The following ADGRL2 variants were observed in gnomAD, a reference collection of about 807,000 sequenced individuals.
ADGRL2 encodes the protein adhesion G protein-coupled receptor L2.
ADGRL2 carries 44 observed loss-of-function variants against 157.4 expected under a neutral mutation model. The ratio of observed to expected loss-of-function variants is 0.28; its 90% CI spans 0.22 to 0.36. ADGRL2 has a LOEUF of 0.36. ADGRL2 is among the 10% of genes least tolerant of loss of function. The pLI is 1.00. For missense variants in ADGRL2, 1,510 were observed against 1,768.9 expected (o/e 0.85, Z 2.63); for synonymous variants, 585 against 624.7 (o/e 0.94, Z 0.95).
chr1:81,633,644 A>G (rs986434811), intron 3 of ADGRL2, among the ~76,000 whole-genome samples: 10 of 151,332 alleles, frequency 6.6e-5, no homozygotes, highest in Admixed American at 2.0e-4. Flanking sequence ...TTTCTCTACC[A>G]AATCTACTTC....
chr1:81,756,509 T>A (rs1303064773), intron 1 of ADGRL2, among the ~76,000 whole-genome samples: 1 of 152,122 alleles, frequency 6.6e-6, no homozygotes, highest in African/African-American at 2.4e-5. Context: ...GAGGTATAAG[T>A]GGGTAGATGT....
At chr1:81,916,383 T>C (rs10518660) in intron 3 of ADGRL2, among the ~76,000 whole-genome samples, 25,107 of 152,164 alleles carry the variant, frequency 0.17, 2,524 homozygotes, top group Middle Eastern at 0.31. Flanking sequence ...AGAATAGATG[T>C]TCAGTTACAG....
chr1:81,842,850 G>A (rs1034866807), intron 2 of ADGRL2, among the ~76,000 whole-genome samples: 1 of 152,090 alleles, frequency 6.6e-6, no homozygotes, highest in African/African-American at 2.4e-5. Flanking sequence ...GGCCAATGCT[G>A]TGATAACACT....
chr1:81,587,938 T>C (rs1204981430), intron 3 of ADGRL2, among the ~76,000 whole-genome samples: 1 of 152,080 alleles, frequency 6.6e-6, no homozygotes, highest in Admixed American at 6.6e-5. Flanking sequence ...GTGATATGGG[T>C]AGAAAAAACA....
At chr1:81,703,785 C>T (rs912736250) in intron 1 of ADGRL2, among the ~76,000 whole-genome samples, 18 of 152,188 alleles carry the variant, frequency 1.2e-4, no homozygotes, top group Non-Finnish European at 2.4e-4. Flanking sequence ...TGAGTCTGGA[C>T]TTAGGATTAC....
At chr1:81,487,394 C>T (rs2078531371) in intron 2 of ADGRL2, among the ~76,000 whole-genome samples, 1 of 152,156 alleles carries the variant, frequency 6.6e-6, no homozygotes, top group South Asian at 2.1e-4. Context: ...CCTCTAATCC[C>T]AGCACTTTGG....
intron 2 of ADGRL2, among the ~76,000 whole-genome samples, chr1:81,573,494 A>G (rs1166179466): frequency 6.6e-6 from 1 of 152,144 alleles, no homozygotes; most frequent in Non-Finnish European, 1.5e-5. Context: ...TAACCCTACT[A>G]ATAGCCATCC....
At chr1:81,696,316 A>G (rs660851), upstream of ADGRL2, among the ~76,000 whole-genome samples, 100,733 of 151,880 alleles carry the variant, frequency 0.66, 33,839 homozygotes, top group African/African-American at 0.69. Context: ...TCCCATCGCA[A>G]GAAGTGAACC....
chr1:81,831,291 A>G (rs1014350377), intron 1 of ADGRL2, among the ~76,000 whole-genome samples: 1 of 152,216 alleles, frequency 6.6e-6, no homozygotes, highest in South Asian at 2.1e-4. Context: ...CACTTTAGTA[A>G]TATAAATGAG....
intron 2 of ADGRL2, chr1:81,514,878 T>C (rs575384266): frequency 6.6e-6 from 1 of 152,350 alleles, no homozygotes; most frequent in East Asian, 1.9e-4. Context: ...ATATGCCTGA[T>C]GACATGGAGT....
At chr1:81,877,413 T>G (rs901071706) in intron 2 of ADGRL2, among the ~76,000 whole-genome samples, 4 of 152,076 alleles carry the variant, frequency 2.6e-5, no homozygotes, top group African/African-American at 9.7e-5. Context: ...AATTATAATA[T>G]TATTCATAAA....
chr1:81,904,913 C>T (rs2094556422), intron 2 of ADGRL2, among the ~76,000 whole-genome samples: 1 of 152,006 alleles, frequency 6.6e-6, no homozygotes, highest in South Asian at 2.1e-4. Flanking sequence ...GACCCAGTCA[C>T]CTGTTAAAGG....
At chr1:81,950,133 C>A in intron 6 of ADGRL2, 56 bp from the exon 7 acceptor site, 1 of 1,430,720 alleles carries the variant, frequency 7.0e-7, no homozygotes, top group Non-Finnish European at 9.8e-7. Flanking sequence ...GTGTGCATGA[C>A]TGTATGTGAG....
chr1:81,827,997 T>G (rs2091642235), intron 1 of ADGRL2, among the ~76,000 whole-genome samples: 1 of 152,254 alleles, frequency 6.6e-6, no homozygotes, highest in South Asian at 2.1e-4. Context: ...TTGATTATTT[T>G]GGCAGACATG....
intron 17 of ADGRL2, among the ~76,000 whole-genome samples, chr1:81,975,569 C>G (rs1274639418): frequency 6.7e-6 from 1 of 148,704 alleles, no homozygotes; most frequent in Non-Finnish European, 1.5e-5. Context: ...TTTGTAAATG[C>G]GTATCAAAGG....
Position 81,751,940 on chromosome 1 carries a change from C to T in ADGRL2, c.-142-9871C>T, listed in dbSNP as rs531267544. On this transcript the variant is annotated intron_variant, in intron 1 of 20. Coordinates refer to the ADGRL2 transcript ENST00000359929. ...CTTCCATGATATGTTGTCATAATCC[C>T]GGAATAGGTTTCAGGTTAGTTTAGA... Among the ~76,000 whole-genome samples, 6 of 152,076 alleles carry T rather than the reference C, an allele frequency of 3.9e-5. No homozygotes were observed. In the East Asian group the frequency reaches 9.6e-4, roughly 24 times the overall value.
At chr1:81,426,899 G>C (rs1243589503) in intron 1 of ADGRL2, 7 of 672,608 alleles carry the variant, frequency 1.0e-5, no homozygotes, top group Non-Finnish European at 1.9e-5. Context: ...TGAAAAGTAT[G>C]GCAAGACTGA....
chr1:81,323,209 A>G (rs1356449133), intron 1 of ADGRL2, among the ~76,000 whole-genome samples: 1 of 151,834 alleles, frequency 6.6e-6, no homozygotes, highest in Non-Finnish European at 1.5e-5. Flanking sequence ...TATGTATAAC[A>G]TAAACACAGA....
intron 3 of ADGRL2, among the ~76,000 whole-genome samples, chr1:81,624,863 A>G (rs1007348801): frequency 6.6e-6 from 1 of 152,214 alleles, no homozygotes; most frequent in African/African-American, 2.4e-5. Context: ...GAAGAGGCTG[A>G]ATGAGACAAG....
Sources: allele counts gnomAD v4.1 joint callset (sites outside exome capture counted in the v4.1 genomes callset), GRCh38; gene constraint gnomAD v4.1.1; transcripts MANE v1.5; gene names NCBI Gene and HGNC (gene_info 2026-07-23, HGNC 2026-07-21).